Variants in ADAMTS17 observed in about 807,000 individuals in gnomAD.
ADAMTS17 encodes the protein ADAM metallopeptidase with thrombospondin type 1 motif 17, also known as A disintegrin and metalloproteinase with thrombospondin motifs 17.
ADAMTS17 carries 113 observed loss-of-function variants against 141.5 expected under a neutral mutation model. The ratio of observed to expected loss-of-function variants is 0.80; its 90% confidence interval spans 0.69 to 0.93. The LOEUF (loss-of-function observed/expected upper bound fraction) is 0.93. Ranked by LOEUF, ADAMTS17 falls within the 40% of genes least tolerant of loss-of-function variation. The probability of loss-of-function intolerance (pLI) is 0.00; values close to 1 mark genes in which losing one functional copy is unlikely to be tolerated. For synonymous variants in ADAMTS17, 768 were observed against 630.6 expected, an observed-to-expected ratio of 1.22 and a Z score of -3.27; for missense variants, 1,659 against 1,517.9, an observed-to-expected ratio of 1.09 and a Z score of -1.54.
intron 7 of ADAMTS17, among the ~76,000 whole-genome samples, chr15:100,206,803 G>A (rs2041587051): frequency 6.6e-6 from 1 of 152,192 alleles, no homozygotes; most frequent in East Asian, 1.9e-4. Context: ...GGAAGGAGGG[G>A]CACATTCCTG....
chr15:100,080,079 G>A (rs11854082), intron 15 of ADAMTS17, among the ~76,000 whole-genome samples: 27 of 152,022 alleles, frequency 1.8e-4, no homozygotes, highest in Admixed American at 1.7e-3. Flanking sequence ...CAGGATTCAC[G>A]GTCCAGGAAT....
rs369355348 is a variant in ADAMTS17 at position 100,091,028 on chromosome 15, A to AAAG, written c.2137+5327_2137+5328insCTT. ...GTCTCAACAAAAAAAAAAAAAAAAA[A>AAAG]GGGTAACCAATGAAAAAGACAGTCC... On this transcript the variant is annotated intron_variant, in intron 15 of 21. Coordinates refer to ENST00000268070, the MANE Select transcript of ADAMTS17 (RefSeq NM_139057.4). Among the ~76,000 whole-genome samples the AAAG allele has an allele frequency of 4.7e-4, 67 of 143,696 alleles. 2 individuals carry two copies. The highest frequency in any genetic ancestry group is 1.2e-3 in the African/African-American group (45 of 37,050). 94.3% of individuals were successfully genotyped at this position (143,696 alleles called of 152,430 possible).
At chr15:100,302,876 G>A (rs1324515739) in intron 3 of ADAMTS17, among the ~76,000 whole-genome samples, 1 of 152,066 alleles carries the variant, frequency 6.6e-6, no homozygotes, top group Non-Finnish European at 1.5e-5. Flanking sequence ...CTGCCAGGGA[G>A]GTTAGGATAC....
At chr15:100,097,826 G>C (rs2141026224) in intron 14 of ADAMTS17, among the ~76,000 whole-genome samples, 1 of 152,334 alleles carries the variant, frequency 6.6e-6, no homozygotes, top group South Asian at 2.1e-4. Context: ...CAAAGGAATA[G>C]GTGAATGCTC....
chr15:100,107,426 G>A (rs1239189428), intron 14 of ADAMTS17, among the ~76,000 whole-genome samples: 1 of 152,182 alleles, frequency 6.6e-6, no homozygotes, highest in African/African-American at 2.4e-5. Flanking sequence ...GCTCTTGGTG[G>A]GCTCCCCTGT....
At chr15:100,168,626 T>A (rs895026130) in intron 8 of ADAMTS17, 3 of 152,188 alleles carry the variant, frequency 2.0e-5, no homozygotes, top group Admixed American at 6.5e-5. Flanking sequence ...GCAAAAATCA[T>A]GTGTACGTGG....
chr15:100,011,277 G>A (rs78523565), intron 18 of ADAMTS17, among the ~76,000 whole-genome samples: 1,519 of 103,644 alleles, frequency 0.015, 50 homozygotes, highest in African/African-American at 0.056. Context: ...AAGGAAGAAG[G>A]GAGGGAAGTA....
intron 18 of ADAMTS17, among the ~76,000 whole-genome samples, chr15:100,018,247 T>C (rs1352922164): frequency 6.6e-6 from 1 of 152,236 alleles, no homozygotes; most frequent in East Asian, 1.9e-4. Context: ...AGCATTCTTT[T>C]CTTTTGTAAA....
intron 18 of ADAMTS17, among the ~76,000 whole-genome samples, chr15:100,022,241 T>A (rs2061419167): frequency 6.6e-6 from 1 of 152,168 alleles, no homozygotes; most frequent in Non-Finnish European, 1.5e-5. Flanking sequence ...AGCAGGCATA[T>A]CACAGAGCAG....
At chr15:100,053,486 G>A (rs965945739) in intron 16 of ADAMTS17, among the ~76,000 whole-genome samples, 11 of 152,146 alleles carry the variant, frequency 7.2e-5, no homozygotes, top group Admixed American at 2.6e-4. Context: ...GTTCATTTCC[G>A]AAAGGTAATG....
chr15:100,006,533 G>A (rs190345105), intron 18 of ADAMTS17, among the ~76,000 whole-genome samples: 1 of 152,278 alleles, frequency 6.6e-6, no homozygotes, highest in East Asian at 1.9e-4. Flanking sequence ...CTCAAACGCA[G>A]GTAGCCAAAG....
At chr15:100,316,208 C>A (rs927832279) in intron 3 of ADAMTS17, among the ~76,000 whole-genome samples, 2 of 152,198 alleles carry the variant, frequency 1.3e-5, no homozygotes, top group African/African-American at 4.8e-5. Context: ...AGGATGCCCT[C>A]CTGAGGTACC....
At chr15:100,260,796 G>C (rs959277156) in intron 6 of ADAMTS17, among the ~76,000 whole-genome samples, 1 of 152,096 alleles carries the variant, frequency 6.6e-6, no homozygotes, top group Non-Finnish European at 1.5e-5. Flanking sequence ...ATTAAAAAAA[G>C]TCATTAAAAT....
At chr15:100,269,805 C>CA (rs761796198) in intron 4 of ADAMTS17, among the ~76,000 whole-genome samples, 1 of 152,170 alleles carries the variant, frequency 6.6e-6, no homozygotes, top group Non-Finnish European at 1.5e-5. Context: ...AAGTTCCCTC[C>CA]AAACTTTCCC....
intron 15 of ADAMTS17, among the ~76,000 whole-genome samples, chr15:100,070,552 A>G (rs2033894091): frequency 6.7e-6 from 1 of 150,290 alleles, no homozygotes. Context: ...CTCTCAGACC[A>G]CGGTGCAATC....
chr15:100,133,591 C>A (rs1392333045), intron 10 of ADAMTS17, among the ~76,000 whole-genome samples: 4 of 152,162 alleles, frequency 2.6e-5, no homozygotes, highest in Non-Finnish European at 1.5e-5. Flanking sequence ...TAGGAGATAT[C>A]AGAGGCACAG....
chr15:100,087,000 A>C (rs542178578), intron 15 of ADAMTS17, among the ~76,000 whole-genome samples: 1 of 152,328 alleles, frequency 6.6e-6, no homozygotes, highest in South Asian at 2.1e-4. Context: ...TCAGAGCAGA[A>C]CTGAAGGAAA....
intron 15 of ADAMTS17, among the ~76,000 whole-genome samples, chr15:100,071,681 A>C (rs2033982529): frequency 6.6e-6 from 1 of 150,526 alleles, no homozygotes; most frequent in Non-Finnish European, 1.5e-5. Context: ...CAATAGATGC[A>C]GAAAAGGCCT....
intron 8 of ADAMTS17, chr15:100,168,661 A>C (rs989070324): frequency 6.6e-6 from 1 of 152,228 alleles, no homozygotes; most frequent in South Asian, 2.1e-4. Context: ...GTTTTAGGGA[A>C]GTCTACAGCC....
Sources: allele counts gnomAD v4.1 joint callset (sites outside exome capture counted in the v4.1 genomes callset), GRCh38; gene constraint gnomAD v4.1.1; transcripts MANE v1.5; gene names NCBI Gene and HGNC (gene_info 2026-07-23, HGNC 2026-07-21).